Variants in DBN1 observed in about 807,000 individuals in gnomAD.
DBN1 encodes the protein drebrin.
DBN1 carries 21 observed loss-of-function variants against 83.5 expected under a neutral mutation model. The ratio of observed to expected loss-of-function variants is 0.25; its 90% CI spans 0.18 to 0.36. The LOEUF is 0.36. Ranked by LOEUF, DBN1 falls within the 10% of genes least tolerant of loss-of-function variation. The pLI is 1.00. For missense variants in DBN1, 874 were observed against 935.7 expected, an observed-to-expected ratio of 0.93 and a Z score of 0.86; for synonymous variants, 381 against 384.9, an observed-to-expected ratio of 0.99 and a Z score of 0.12.
Position 177,466,776 on chromosome 5 carries a change from A to G in DBN1, c.767T>C (p.Ile256Thr). 6.2e-7 allele frequency: 1 copy of G among 1,614,132 alleles called. No homozygotes were observed. The highest frequency in any genetic ancestry group is 8.5e-7 in the Non-Finnish European group (1 of 1,179,998). ...EAKRRLKEQS[I>T]FGDHRDEEEE... is the part of the protein sequence containing the mutation. ...GAGCCTTGGCAAAGAACTTACAAAG[A>G]TAGACTGCTCCTTCAACCGCCTCTT... The change falls in exon 8 of 15, where the codon ATC becomes ACC. Residue 256 changes from isoleucine (I) to threonine (T), a missense_variant. By Grantham distance (89) the Ile-to-Thr change is moderately conservative (BLOSUM62 -1). Around this residue, in one of 4 missense-constraint regions of DBN1, gnomAD observed 725 missense variants for 719.7 expected, o/e 1.01. Transcript: ENST00000393565. The surrounding 1 kb of genome is among the most constrained non-coding windows in gnomAD (Gnocchi z 4.8).
intron 1 of DBN1, chr5:177,472,856 T>G: frequency 1.0e-6 from 1 of 984,990 alleles, no homozygotes; most frequent in Non-Finnish European, 1.2e-6. Flanking sequence ...TCCACCTCAC[T>G]CCAGCCCAGG....
In DBN1 at chr5:177,457,777, G is replaced by A; in HGVS notation, c.1915-20C>T. 1.3e-6 allele frequency: 2 copies of A among 1,529,358 alleles called. No individual in the cohort carries two copies. The highest frequency in any genetic ancestry group is 1.7e-4 in the Middle Eastern group (1 of 5,898). 94.7% of individuals were successfully genotyped at this position (1,529,358 alleles called of 1,614,324 possible). A position where few individuals can be genotyped will look rare whatever the true frequency, so the allele number is the denominator to read the frequency against. On this transcript the variant is annotated intron_variant, in intron 13 of 14. Coordinates refer to ENST00000393565, the MANE Select transcript of DBN1 (RefSeq NM_001363541.2). ...ACTGGCCTGCAGGGGAAAGCATCAGGTCACTTGGCCCCACCCAGCAGGACT... is the reference window on the plus strand; with the variant it reads ...ACTGGCCTGCAGGGGAAAGCATCAGATCACTTGGCCCCACCCAGCAGGACT...
intron 12 of DBN1, 27 bp from the exon 13 acceptor site, chr5:177,458,734 T>C (rs757675091): frequency 5.4e-6 from 8 of 1,481,982 alleles, no homozygotes; most frequent in South Asian, 1.4e-5. Context: ...AGAGGAGATA[T>C]GTAACCGGCT....
At chr5:177,470,564 C>T (rs1205039631) in intron 1 of DBN1, among the ~76,000 whole-genome samples, 1 of 152,200 alleles carries the variant, frequency 6.6e-6, no homozygotes, top group Non-Finnish European at 1.5e-5. Context: ...CCACACCACA[C>T]ACTTGGGACA....
At chr5:177,472,061 G>T in intron 1 of DBN1, 1 of 1,570,004 alleles carries the variant, frequency 6.4e-7, no homozygotes, top group South Asian at 1.2e-5. Context: ...GGGCAGGGCT[G>T]GGACAATGGG....
intron 8 of DBN1, among the ~76,000 whole-genome samples, chr5:177,464,646 T>TAATA (rs1335029355): frequency 3.7e-5 from 5 of 133,630 alleles, no homozygotes; most frequent in African/African-American, 5.5e-5. Flanking sequence ...AATAAATAAA[T>TAATA]AATAAACTTT....
intron 1 of DBN1, among the ~76,000 whole-genome samples, chr5:177,471,589 G>A (rs1244987807): frequency 6.6e-6 from 1 of 152,128 alleles, no homozygotes; most frequent in Admixed American, 6.5e-5. Flanking sequence ...GTTCCATGCT[G>A]GGCCCTGGGG....
Position 177,458,400 on chromosome 5 carries a change from T to C in DBN1, c.1572A>G (p.Leu524=). 6.2e-7 allele frequency: 1 copy of C among 1,614,066 alleles called. No homozygotes were observed. The highest frequency in any genetic ancestry group is 1.1e-5 in the South Asian group (1 of 91,078). ...VPPAATSLID[L]WPGNGEGAST... ...AGGCCCCTTCCCCGTTGCCAGGCCA[T>C]AGGTCAATGAGGCTGGTGGCGGCGG... Residue 524 remains leucine (L), a synonymous_variant, in exon 13 of 15, where the codon CTA becomes CTG. Transcript: ENST00000393565.
chr5:177,459,758 C>T lies in DBN1; in HGVS notation c.956-18G>A. ...CGGACGACCTGCCGAGAGAGACAGACAGAGAAAGAGACAGAGGACAAGAGA... is the reference window on the plus strand; with the variant it reads ...CGGACGACCTGCCGAGAGAGACAGATAGAGAAAGAGACAGAGGACAAGAGA... On this transcript the variant is annotated intron_variant, in intron 10 of 14. Coordinates refer to ENST00000393565, the MANE Select transcript of DBN1 (RefSeq NM_001363541.2). The T allele has an allele frequency of 1.4e-6, 2 of 1,474,184 alleles. No individual in the cohort carries two copies. The allele number at this position is 1,474,184 out of a possible 1,614,324, so 91.3% of individuals were successfully genotyped here. A position where few individuals can be genotyped will look rare whatever the true frequency, so the allele number is the denominator to read the frequency against.
intron 1 of DBN1, among the ~76,000 whole-genome samples, chr5:177,470,296 CTCTG>C (rs1314967375): frequency 6.6e-5 from 10 of 152,186 alleles, no homozygotes; most frequent in Admixed American, 6.5e-4. Context: ...GAGAAGCAGG[CTCTG>C]TCTCTCTCCA....
rs1211049964 is a variant in DBN1 at position 177,458,049 on chromosome 5, C to G, written c.1914+9G>C. 2 of 1,613,776 alleles carry G rather than the reference C, an allele frequency of 1.2e-6. No homozygotes were observed. The highest frequency in any genetic ancestry group is 1.7e-6 in the Non-Finnish European group (2 of 1,180,018). On this transcript the variant is annotated intron_variant, in intron 13 of 14. Coordinates refer to ENST00000393565, the MANE Select transcript of DBN1 (RefSeq NM_001363541.2). ...TCCCATCCCTCCCACCAGGCAGTCC[C>G]TGCCGCACCTGGGTCCCCTCCTTCT... is the stretch of plus-strand genomic sequence containing the variant.
intron 1 of DBN1, among the ~76,000 whole-genome samples, chr5:177,470,180 CAACT>C (rs2127403623): frequency 6.6e-6 from 1 of 152,270 alleles, no homozygotes; most frequent in South Asian, 2.1e-4. Flanking sequence ...GCTCCTGGTC[CAACT>C]GTTACCCCCA....
rs749228685 is a variant in DBN1, at chr5:177,467,563, C to T, written c.395G>A (p.Arg132Gln). Residue 132 changes from arginine (R) to glutamine (Q), a missense_variant, in exon 5 of 15, where the codon CGG (arginine) becomes CAG (glutamine). By Grantham distance (43) the Arg-to-Gln change is conservative. Transcript: ENST00000393565. This position sits in a 1 kb window ranked among gnomAD's most constrained non-coding sequence, Gnocchi z 9.1. ...GAGTCGCGCCAGCCCGTTAGAGAGC[C>T]GCTGCCCGATGGCACCCGCGTCTAT... is the stretch of plus-strand genomic sequence containing the variant. ...EDIDAGAIGQ[R>Q]LSNGLARLSS... is the part of the protein sequence containing the mutation. 5.1e-6 allele frequency: 8 copies of T among 1,565,116 alleles called. No individual in the cohort carries two copies. Among genetic ancestry groups the T allele is most frequent in the African/African-American group, 4.1e-5 (3 of 73,648 alleles).
In DBN1 at chr5:177,467,304, G is replaced by A. The variant is rs772814294; in HGVS notation, c.506C>T (p.Ala169Val). 9 of 1,614,166 alleles carry A rather than the reference G, an allele frequency of 5.6e-6. No individual in the cohort carries two copies. The highest frequency in any genetic ancestry group is 6.8e-6 in the Non-Finnish European group (8 of 1,180,010). ...TCGGTTAATCCGCTTCATTTCCACA[G>A]CTGCATCCGTCTTCTGGTAGGTGGT... ...VGTTYQKTDA[A>V]VEMKRINREQ... Residue 169 changes from alanine to valine, a missense_variant, in exon 6 of 15, where the codon GCT (alanine) becomes GTT (valine). Physicochemically the swap from Ala to Val is moderately conservative, Grantham distance 64. Transcript: ENST00000393565. The surrounding 1 kb of genome is among the most constrained non-coding windows in gnomAD (Gnocchi z 9.1).
intron 13 of DBN1, 60 bp from the exon 14 acceptor site, chr5:177,457,817 A>T: frequency 8.2e-7 from 1 of 1,216,152 alleles, no homozygotes; most frequent in Non-Finnish European, 1.2e-6. Flanking sequence ...CTGACCTATC[A>T]GGCCTGAGCC....
chr5:177,466,629 C>T lies in DBN1; in HGVS notation c.771+143G>A. On this transcript the variant is annotated intron_variant, in intron 8 of 14. Coordinates refer to ENST00000393565, the MANE Select transcript of DBN1 (RefSeq NM_001363541.2). The surrounding 1 kb of genome is among the most constrained non-coding windows in gnomAD (Gnocchi z 4.8). ...ACGTGATGAGGTGCCAGGCCTCATGCTCCATGGCACCCTGTGCCCATGCAG... is the reference window on the plus strand; with the variant it reads ...ACGTGATGAGGTGCCAGGCCTCATGTTCCATGGCACCCTGTGCCCATGCAG... The T allele has an allele frequency of 1.1e-6, 1 of 923,250 alleles. No homozygotes were observed. Among genetic ancestry groups the T allele is most frequent in the Middle Eastern group, 2.9e-4 (1 of 3,412 alleles). 57.2% of individuals were successfully genotyped at this position (923,250 alleles called of 1,614,324 possible).
rs779886755 is a variant in DBN1, at chr5:177,457,452, CCCT to C, written c.2066_2068del (p.Glu689del). ...CCACCGCTAATCACCACCCTCGAAG[CCCT>C]CCTCCTCTTCTGGAACTGGGTCTGC... On this transcript the variant is annotated inframe_deletion, in exon 15 of 15. Transcript: ENST00000393565. The C allele has an allele frequency of 2.1e-5, 34 of 1,614,126 alleles. No individual in the cohort carries two copies. The highest frequency in any genetic ancestry group is 5.3e-5 in the African/African-American group (4 of 75,062).
intron 1 of DBN1, among the ~76,000 whole-genome samples, chr5:177,470,652 C>T (rs1757777770): frequency 1.3e-5 from 2 of 152,206 alleles, no homozygotes; most frequent in Admixed American, 1.3e-4. Flanking sequence ...GTTCTCTTCA[C>T]GTGGAAGGCA....
intron 11 of DBN1, 105 bp downstream of exon 11, chr5:177,459,498 C>T: frequency 7.6e-7 from 1 of 1,312,544 alleles, no homozygotes; most frequent in Non-Finnish European, 1.0e-6. Context: ...GCCCTGGGGG[C>T]AAACACCAGA....
Sources: gnomAD v4.1 joint callset for allele counts (sites outside exome capture counted in the v4.1 genomes callset) on GRCh38, gnomAD v4.1.1 for gene constraint, gnomAD v4.1.1 regional missense constraint, Gnocchi (gnomAD v3.1) non-coding constraint, MANE v1.5 for transcripts, NCBI Gene and HGNC (gene_info 2026-07-23, HGNC 2026-07-21) for gene names.